Variants in ELP3 observed in about 807,000 individuals in gnomAD.
ELP3 encodes the protein elongator complex protein 3.
Under a neutral mutation model 74.9 loss-of-function variants are expected in ELP3, and 56 were observed. The ratio of observed to expected loss-of-function variants is 0.75; its 90% CI spans 0.60 to 0.93. ELP3 has a LOEUF of 0.93. Ranked by LOEUF, ELP3 falls within the 40% of genes least tolerant of loss-of-function variation. The pLI, the probability that ELP3 is intolerant of heterozygous loss-of-function variation, is 0.00. For synonymous variants in ELP3, 222 were observed against 239.8 expected (o/e 0.93, Z 0.68); for missense variants, 573 against 686.5 (o/e 0.83, Z 1.85).
chr8:28,137,750 C>A lies in ELP3; in HGVS notation c.959C>A (p.Thr320Asn), dbSNP rs1249997208. The change falls in exon 10 of 15, where the codon ACC (threonine) becomes AAC (asparagine). Residue 320 changes from threonine (T) to asparagine (N), a missense_variant. Coordinates refer to ENST00000256398, the MANE Select transcript of ELP3 (RefSeq NM_018091.6). Reference protein sequence around the residue: ...FRPDGLKLYPTLVIRGTGLYE... With the variant: ...FRPDGLKLYPNLVIRGTGLYE... ...CCCGATGGGCTGAAACTCTATCCTA[C>A]CCTGGTGATTCGTGGGACCGGGCTT... The A allele has an allele frequency of 3.1e-6, 5 of 1,613,966 alleles. No individual in the cohort carries two copies. The highest frequency in any genetic ancestry group is 4.2e-6 in the Non-Finnish European group (5 of 1,180,024).
intron 10 of ELP3, among the ~76,000 whole-genome samples, chr8:28,142,406 A>G (rs1813278483): frequency 6.6e-6 from 1 of 152,222 alleles, no homozygotes; most frequent in Non-Finnish European, 1.5e-5. Flanking sequence ...TTTCTCTATC[A>G]ATACATCACT....
intron 2 of ELP3, among the ~76,000 whole-genome samples, chr8:28,098,060 C>T (rs56306964): frequency 0.12 from 18,691 of 152,080 alleles, 1,280 homozygotes; most frequent in East Asian, 0.31. Flanking sequence ...CAGGAAAACC[C>T]TCCCTTTGGG....
chr8:28,105,068 A>G (rs1250032735), intron 3 of ELP3, among the ~76,000 whole-genome samples: 1 of 152,192 alleles, frequency 6.6e-6, no homozygotes, highest in South Asian at 2.1e-4. Context: ...AGCAGTTTCT[A>G]GCTTTCTAGC....
intron 6 of ELP3, 140 bp from the exon 7 acceptor site, chr8:28,112,879 G>A: frequency 1.5e-6 from 1 of 653,102 alleles, no homozygotes; most frequent in Non-Finnish European, 2.3e-6. Context: ...TTTATCCACA[G>A]AATTAGCTAA....
chr8:28,107,077 G>C (rs1383504192), intron 4 of ELP3, among the ~76,000 whole-genome samples: 1 of 152,038 alleles, frequency 6.6e-6, no homozygotes, highest in Non-Finnish European at 1.5e-5. Flanking sequence ...GTGAGACTCC[G>C]TCTCTACTAA....
chr8:28,108,917 G>C (rs1306128341), intron 5 of ELP3, among the ~76,000 whole-genome samples: 1 of 152,110 alleles, frequency 6.6e-6, no homozygotes. Flanking sequence ...AAGTGAGATT[G>C]AAGTTGAGTC....
intron 7 of ELP3, among the ~76,000 whole-genome samples, chr8:28,116,303 C>T (rs921289659): frequency 2.2e-4 from 34 of 152,154 alleles, no homozygotes; most frequent in African/African-American, 8.2e-4. Flanking sequence ...GGACAGCAGC[C>T]CACTTCTGTT....
intron 9 of ELP3, among the ~76,000 whole-genome samples, chr8:28,136,320 A>C (rs1204053403): frequency 6.6e-6 from 1 of 152,128 alleles, no homozygotes; most frequent in East Asian, 1.9e-4. Flanking sequence ...TAAATTCTCT[A>C]GTGTAACTGA....
chr8:28,146,299 C>T (rs1481767829), intron 10 of ELP3, among the ~76,000 whole-genome samples: 1 of 152,132 alleles, frequency 6.6e-6, no homozygotes, highest in East Asian at 1.9e-4. Context: ...CAGCTGTCTG[C>T]TGATGTGATA....
At chr8:28,093,097 G>A (rs1057052648), upstream of ELP3, 4 of 1,520,098 alleles carry the variant, frequency 2.6e-6, no homozygotes. Context: ...AGAGCTTTAC[G>A]ATACATTGAC....
chr8:28,093,271 C>G (rs766985844), intron 1 of ELP3, 38 bp downstream of exon 1: 6 of 1,610,668 alleles, frequency 3.7e-6, no homozygotes, highest in South Asian at 3.3e-5. Context: ...AGGGGTGGTC[C>G]GAAAGGGGCG....
chr8:28,092,895 G>T (rs1811096634), upstream of ELP3: 4 of 420,810 alleles, frequency 9.5e-6, no homozygotes, highest in East Asian at 2.1e-4. Context: ...CTCTATCCAG[G>T]AACTCTGTCC....
intron 14 of ELP3, among the ~76,000 whole-genome samples, chr8:28,179,708 A>G (rs1223678272): frequency 6.6e-6 from 1 of 152,198 alleles, no homozygotes; most frequent in East Asian, 1.9e-4. Flanking sequence ...AGATTCTTAT[A>G]AGGAGCACAC....
intron 10 of ELP3, among the ~76,000 whole-genome samples, chr8:28,138,459 A>G (rs570871346): frequency 2.0e-5 from 3 of 152,338 alleles, no homozygotes; most frequent in African/African-American, 4.8e-5. Flanking sequence ...ACATACATAC[A>G]TATATACTGG....
chr8:28,121,218 GT>G (rs1178803058), intron 7 of ELP3, among the ~76,000 whole-genome samples: 3 of 151,828 alleles, frequency 2.0e-5, no homozygotes, highest in Admixed American at 2.0e-4. Context: ...TGTTGAGATT[GT>G]ATAAGCCTTT....
chr8:28,119,962 A>G (rs1812304034), intron 7 of ELP3, among the ~76,000 whole-genome samples: 1 of 152,102 alleles, frequency 6.6e-6, no homozygotes, highest in African/African-American at 2.4e-5. Flanking sequence ...GTAGTATTCC[A>G]TTGTATGCAG....
chr8:28,160,821 A>C (rs78507622), intron 13 of ELP3, among the ~76,000 whole-genome samples: 2 of 151,856 alleles, frequency 1.3e-5, no homozygotes, highest in South Asian at 2.1e-4. Flanking sequence ...CAGCCTCCCT[A>C]GTAGCTGGGA....
At chr8:28,112,533 G>T (rs1038254060) in intron 6 of ELP3, 2 of 152,136 alleles carry the variant, frequency 1.3e-5, no homozygotes, top group Non-Finnish European at 2.9e-5. Flanking sequence ...CTGCTGTCTT[G>T]ATTTTTCTTT....
At chr8:28,183,996 C>T (rs912220134) in intron 14 of ELP3, among the ~76,000 whole-genome samples, 2 of 152,200 alleles carry the variant, frequency 1.3e-5, no homozygotes, top group Non-Finnish European at 2.9e-5. Flanking sequence ...TTTTTCTTGG[C>T]TGGCTAACAA....
Sources: gnomAD v4.1 joint callset for allele counts (sites outside exome capture counted in the v4.1 genomes callset) on GRCh38, gnomAD v4.1.1 for gene constraint, MANE v1.5 for transcripts, NCBI Gene and HGNC (gene_info 2026-07-23, HGNC 2026-07-21) for gene names.